Variants in HSD3B1 observed in about 807,000 individuals in gnomAD.
HSD3B1 encodes the protein hydroxy-delta-5-steroid dehydrogenase, 3 beta- and steroid delta-isomerase 1.
HSD3B1 carries 11 observed loss-of-function variants against 10.4 expected under a neutral mutation model. The observed-to-expected ratio is 1.05, with a 90% CI of 0.66 to 1.75. The LOEUF is 1.75. HSD3B1 is among the 40% of genes most tolerant of loss of function. The probability of loss-of-function intolerance (pLI) is 0.00; values close to 1 mark genes in which losing one functional copy is unlikely to be tolerated. For missense variants in HSD3B1, 490 were observed against 454.5 expected (o/e 1.08, Z -0.71); for synonymous variants, 217 against 185.4 (o/e 1.17, Z -1.39).
intron 3 of HSD3B1, among the ~76,000 whole-genome samples, chr1:119,513,554 C>A (rs1653995816): frequency 6.6e-6 from 1 of 152,072 alleles, no homozygotes; most frequent in Non-Finnish European, 1.5e-5. Context: ...AACCCTAGGT[C>A]CCTTTCCAAA....
Position 119,507,550 on chromosome 1 carries a change from AG to A in HSD3B1, c.76del (p.Glu26ArgfsTer4). On this transcript the variant is annotated frameshift_variant, in exon 2 of 4. Transcript: ENST00000369413. LOFTEE classifies it high-confidence loss of function. Reference sequence around the variant, plus strand: ...CAGAGGATCATCCGCCTCTTGGTGAAGGAGAAGGAGCTGAAGGAGATCAGGG... The same window carrying A: ...CAGAGGATCATCCGCCTCTTGGTGAAGAGAAGGAGCTGAAGGAGATCAGGG... The part of the protein sequence containing the change: ...LGQRIIRLLV[K>X]EKELKEIRVL... 3 of 1,614,010 alleles carry A rather than the reference AG, an allele frequency of 1.9e-6. No individual in the cohort carries two copies. Among genetic ancestry groups the A allele is most frequent in the Non-Finnish European group, 2.5e-6 (3 of 1,179,954 alleles).
intron 2 of HSD3B1, among the ~76,000 whole-genome samples, chr1:119,510,820 A>G (rs1653917435): frequency 7.5e-6 from 1 of 132,878 alleles, no homozygotes; most frequent in Admixed American, 9.3e-5. Flanking sequence ...GCTCACTGCC[A>G]GGAACCAGAG....
Position 119,514,945 on chromosome 1 carries a change from C to G in HSD3B1, c.*300C>G. On this transcript the variant is annotated 3_prime_UTR_variant, in exon 4 of 4. Transcript: ENST00000369413. ...TCTTTTAACTTGAGGGTCGTTTTGA[C>G]TACTAGAGCTCCATTTCTACTCTTA... is the stretch of plus-strand genomic sequence containing the variant. The G allele has an allele frequency of 2.5e-6, 1 of 401,688 alleles. No individual in the cohort carries two copies. The highest frequency in any genetic ancestry group is 4.8e-5 in the East Asian group (1 of 20,954). The allele number at this position is 401,688 out of a possible 1,614,324, so 24.9% of individuals were successfully genotyped here.
At position 119,514,593 on chromosome 1, in the gene HSD3B1, T is replaced by C; in HGVS notation, c.1070T>C (p.Val357Ala). ...GCCAAGCAGAAAACGGTGGAGTGGGTTGGTTCCCTTGTGGACCGGCACAAG... is the reference window on the plus strand; with the variant it reads ...GCCAAGCAGAAAACGGTGGAGTGGGCTGGTTCCCTTGTGGACCGGCACAAG... ...EEAKQKTVEW[V>A]GSLVDRHKET... is the part of the protein sequence containing the mutation. Residue 357 changes from valine (V) to alanine (A), a missense_variant, in exon 4 of 4, where the codon GTT (valine) becomes GCT (alanine). By Grantham distance (64) the Val-to-Ala change is moderately conservative. Coordinates refer to ENST00000369413, the MANE Select transcript of HSD3B1 (RefSeq NM_000862.3). The C allele has an allele frequency of 6.2e-7, 1 of 1,613,888 alleles. No individual in the cohort carries two copies. Among genetic ancestry groups the C allele is most frequent in the Non-Finnish European group, 8.5e-7 (1 of 1,179,986 alleles).
At chr1:119,507,796 G>C (rs951053923) in intron 2 of HSD3B1, 175 bp downstream of exon 2, 30 of 625,548 alleles carry the variant, frequency 4.8e-5, no homozygotes, top group Middle Eastern at 3.9e-4. Context: ...TAGTATGAAA[G>C]ATACTGGGTG....
In HSD3B1 at chr1:119,511,580, G is replaced by A. The variant is rs1032489554; in HGVS notation, c.223G>A (p.Asp75Asn). 1 of 1,613,752 alleles carries A rather than the reference G, an allele frequency of 6.2e-7. No individual in the cohort carries two copies. Among genetic ancestry groups the A allele is most frequent in the African/African-American group, 1.3e-5 (1 of 74,988 alleles). Residue 75 changes from aspartate to asparagine, a missense_variant, in exon 3 of 4, where the codon GAC becomes AAC. By Grantham distance (23) the Asp-to-Asn change is conservative. Transcript: ENST00000369413. ...DEPFLKRACQ[D>N]VSVIIHTACI... ...GCCATTCCTGAAGAGAGCCTGCCAG[G>A]ACGTCTCGGTCATCATCCACACCGC...
At chr1:119,510,135 C>T (rs1337622583) in intron 2 of HSD3B1, among the ~76,000 whole-genome samples, 5 of 152,172 alleles carry the variant, frequency 3.3e-5, no homozygotes, top group Non-Finnish European at 7.3e-5. Flanking sequence ...ATCCAAGCTC[C>T]ATGTAGCATG....
rs148057809 is a variant in HSD3B1, at chr1:119,513,911, G to T, written c.388G>T (p.Gly130Trp). The T allele has an allele frequency of 6.2e-7, 1 of 1,613,970 alleles. No homozygotes were observed. Among genetic ancestry groups the T allele is most frequent in the African/African-American group, 1.3e-5 (1 of 74,992 alleles). ...FIYTSSIEVA[G>W]PNSYKEIIQN... ...CTACACCAGTAGCATAGAGGTAGCC[G>T]GGCCCAACTCCTACAAGGAAATCAT... The change falls in exon 4 of 4, where the codon GGG (glycine) becomes TGG (tryptophan). Residue 130 changes from glycine to tryptophan, a missense_variant. Gly to Trp is a radical substitution (Grantham distance 184). Coordinates refer to ENST00000369413, the MANE Select transcript of HSD3B1 (RefSeq NM_000862.3).
intron 2 of HSD3B1, 44 bp from the exon 3 acceptor site, chr1:119,511,459 C>T (rs780477648): frequency 1.9e-5 from 30 of 1,603,996 alleles, no homozygotes; most frequent in African/African-American, 2.7e-5. Flanking sequence ...ACTTCTCAGC[C>T]AGATACAGAA....
chr1:119,514,186 T>C lies in HSD3B1; in HGVS notation c.663T>C (p.Val221=), dbSNP rs771423447. The C allele has an allele frequency of 1.7e-4, 275 of 1,613,730 alleles. 2 individuals carry two copies. The South Asian group carries it at 2.9e-3, about 17-fold the overall frequency. The change falls in exon 4 of 4, where the codon GTT becomes GTC. Residue 221 remains valine (V), a synonymous_variant. Transcript: ENST00000369413. ...CAAGTGTTGGAAAGTTCTCCACTGT[T>C]AACCCAGTCTATGTTGGCAATGTGG... The part of the protein sequence containing the change: ...ILSSVGKFST[V]NPVYVGNVAW...
rs1654061342 is a variant in HSD3B1 at position 119,514,763 on chromosome 1, T to A, written c.*118T>A. 2.0e-5 allele frequency: 22 copies of A among 1,122,372 alleles called. No individual in the cohort carries two copies. The highest frequency in any genetic ancestry group is 2.9e-5 in the Non-Finnish European group (22 of 760,970). The allele number at this position is 1,122,372 out of a possible 1,614,324, so 69.5% of individuals were successfully genotyped here. A position where few individuals can be genotyped will look rare whatever the true frequency, so the allele number is the denominator to read the frequency against. On this transcript the variant is annotated 3_prime_UTR_variant, in exon 4 of 4. Coordinates refer to ENST00000369413, the MANE Select transcript of HSD3B1 (RefSeq NM_000862.3). ...AAGCTCAGGTCCTGCTGCCTCCCTT[T>A]CATACAATGGCCAACTTATTGTATT...
chr1:119,511,297 A>T (rs1306453517), intron 2 of HSD3B1, among the ~76,000 whole-genome samples: 1 of 152,176 alleles, frequency 6.6e-6, no homozygotes, highest in African/African-American at 2.4e-5. Flanking sequence ...GAGATGGGAG[A>T]GAAACAGATG....
At position 119,514,699 on chromosome 1, in the gene HSD3B1, T is replaced by G; in HGVS notation, c.*54T>G. The G allele has an allele frequency of 5.1e-6, 8 of 1,581,028 alleles. No homozygotes were observed. The highest frequency in any genetic ancestry group is 6.9e-6 in the Non-Finnish European group (8 of 1,158,766). ...GTATTGTTAGGAGATGTCATCAAGC[T>G]CCACCCTCCTGGCCTCATACAGAAA... On this transcript the variant is annotated 3_prime_UTR_variant, in exon 4 of 4. Transcript: ENST00000369413.
At chr1:119,512,806 G>A (rs1259717497) in intron 3 of HSD3B1, among the ~76,000 whole-genome samples, 1 of 152,138 alleles carries the variant, frequency 6.6e-6, no homozygotes, top group Non-Finnish European at 1.5e-5. Flanking sequence ...CCCCTTGAAG[G>A]TAAACTAACT....
At chr1:119,511,352 T>A (rs1178096019) in intron 2 of HSD3B1, 151 bp from the exon 3 acceptor site, 1 of 706,142 alleles carries the variant, frequency 1.4e-6, no homozygotes, top group African/African-American at 1.8e-5. Context: ...TTTCTGTGCC[T>A]TTTTTACTTG....
chr1:119,508,556 T>C (rs1653853792), intron 2 of HSD3B1, among the ~76,000 whole-genome samples: 1 of 152,144 alleles, frequency 6.6e-6, no homozygotes, highest in Non-Finnish European at 1.5e-5. Context: ...GGCCATCTGA[T>C]TGATGCGTAG....
At chr1:119,507,672 T>C (rs1653827236) in intron 2 of HSD3B1, 51 bp downstream of exon 2, 1 of 1,582,850 alleles carries the variant, frequency 6.3e-7, no homozygotes. Flanking sequence ...ACACTGCATG[T>C]ATGTGGGGGG....
At position 119,514,160 on chromosome 1, in the gene HSD3B1, T is replaced by A. The variant is rs1453005680; in HGVS notation, c.637T>A (p.Ser213Thr). 1 of 1,614,066 alleles carries A rather than the reference T, an allele frequency of 6.2e-7. No homozygotes were observed. Residue 213 changes from serine (S) to threonine (T), a missense_variant, in exon 4 of 4, where the codon TCA (serine) becomes ACA (threonine). Transcript: ENST00000369413. ...GGCCCTGAACAACAATGGGATCCTG[T>A]CAAGTGTTGGAAAGTTCTCCACTGT... ...NEALNNNGIL[S>T]SVGKFSTVNP...
Position 119,511,569 on chromosome 1 carries a change from G to C in HSD3B1, c.212G>C (p.Arg71Thr), listed in dbSNP as rs4986952. ...GDILDEPFLK[R>T]ACQDVSVIIH... ...ATTCTGGATGAGCCATTCCTGAAGA[G>C]AGCCTGCCAGGACGTCTCGGTCATC... Residue 71 changes from arginine to threonine, a missense_variant, in exon 3 of 4, where the codon AGA (arginine) becomes ACA (threonine). Transcript: ENST00000369413. 6.2e-7 allele frequency: 1 copy of C among 1,613,810 alleles called. No homozygotes were observed. The highest frequency in any genetic ancestry group is 8.5e-7 in the Non-Finnish European group (1 of 1,179,784).
Sources: allele counts gnomAD v4.1 joint callset (sites outside exome capture counted in the v4.1 genomes callset), GRCh38; gene constraint gnomAD v4.1.1; transcripts MANE v1.5; gene names NCBI Gene and HGNC (gene_info 2026-07-23, HGNC 2026-07-21).